ARK2C: variants seen among roughly 807,000 people sequenced by gnomAD.
ARK2C encodes E3 ubiquitin-protein ligase ARK2C.
At chr18:46,344,855 G>A in the ARK2C span, among the ~76,000 whole-genome samples, 1 of 152,240 alleles carries the variant, frequency 6.6e-6, no homozygotes, top group East Asian at 1.9e-4. Flanking sequence ...AGGTAGCTGG[G>A]CCAGAGCCTT....
At chr18:46,418,849 T>C in the ARK2C span, among the ~76,000 whole-genome samples, 1 of 152,254 alleles carries the variant, frequency 6.6e-6, no homozygotes, top group Non-Finnish European at 1.5e-5. Flanking sequence ...TCTTGCCAAG[T>C]CATTCAGCAC....
chr18:46,458,869 GC>G, the ARK2C span: 2 of 152,248 alleles, frequency 1.3e-5, no homozygotes, highest in Non-Finnish European at 2.9e-5. Flanking sequence ...AGGGTTAGCA[GC>G]AATGAGTATC....
At chr18:46,438,008 C>T in the ARK2C span, among the ~76,000 whole-genome samples, 2 of 152,296 alleles carry the variant, frequency 1.3e-5, no homozygotes, top group Non-Finnish European at 2.9e-5. Context: ...TGCTGGCACT[C>T]GTAGGGCCAG....
chr18:46,414,885 C>G, the ARK2C span, among the ~76,000 whole-genome samples: 1 of 152,200 alleles, frequency 6.6e-6, no homozygotes, highest in African/African-American at 2.4e-5. Context: ...TCATCACAGC[C>G]TTGTGAATGG....
the ARK2C span, among the ~76,000 whole-genome samples, chr18:46,366,331 A>G: frequency 6.7e-6 from 1 of 149,226 alleles, no homozygotes; most frequent in Admixed American, 6.7e-5. Context: ...AGAGAGAGAG[A>G]TAATTCTTGT....
chr18:46,393,476 TG>T, the ARK2C span, among the ~76,000 whole-genome samples: 4 of 152,214 alleles, frequency 2.6e-5, no homozygotes, highest in Non-Finnish European at 5.9e-5. Context: ...GAAATGGGGC[TG>T]GGAGGCTTCC....
At chr18:46,353,557 G>T in the ARK2C span, among the ~76,000 whole-genome samples, 1 of 152,180 alleles carries the variant, frequency 6.6e-6, no homozygotes, top group East Asian at 1.9e-4. Context: ...TCACTGGTAA[G>T]GGATGTTACC....
the ARK2C span, among the ~76,000 whole-genome samples, chr18:46,344,269 A>G: frequency 6.6e-6 from 1 of 152,174 alleles, no homozygotes; most frequent in South Asian, 2.1e-4. Flanking sequence ...GTCTCAAGGA[A>G]GGGCAGGAAG....
At chr18:46,371,133 G>A in the ARK2C span, among the ~76,000 whole-genome samples, 5 of 152,212 alleles carry the variant, frequency 3.3e-5, no homozygotes, top group South Asian at 4.1e-4. Context: ...TAAAACCATC[G>A]GATCTCATGA....
At chr18:46,395,625 G>A in the ARK2C span, among the ~76,000 whole-genome samples, 5 of 152,274 alleles carry the variant, frequency 3.3e-5, no homozygotes, top group African/African-American at 7.2e-5. Context: ...CCCAAAGTCC[G>A]GGATTTTACC....
the ARK2C span, among the ~76,000 whole-genome samples, chr18:46,396,393 T>C: frequency 6.6e-6 from 1 of 152,156 alleles, no homozygotes; most frequent in Non-Finnish European, 1.5e-5. Flanking sequence ...CGTTAGTGGG[T>C]TCAGGCTCTT....
the ARK2C span, among the ~76,000 whole-genome samples, chr18:46,380,415 G>T: frequency 6.6e-6 from 1 of 152,252 alleles, no homozygotes; most frequent in African/African-American, 2.4e-5. Context: ...TGAGAAGGAA[G>T]TGACAGTAAT....
chr18:46,382,359 A>G, the ARK2C span, among the ~76,000 whole-genome samples: 12 of 152,324 alleles, frequency 7.9e-5, no homozygotes, highest in African/African-American at 2.9e-4. Context: ...CAGATTTACT[A>G]CATAGCTCAG....
At chr18:46,356,419 T>G in the ARK2C span, among the ~76,000 whole-genome samples, 2 of 150,642 alleles carry the variant, frequency 1.3e-5, no homozygotes, top group East Asian at 2.0e-4. Context: ...GGTGGGGAGG[T>G]GCTTATTTTA....
the ARK2C span, among the ~76,000 whole-genome samples, chr18:46,415,130 C>T: frequency 6.6e-6 from 1 of 152,238 alleles, no homozygotes; most frequent in Admixed American, 6.5e-5. Flanking sequence ...CAGAGTGTCC[C>T]CTCCCCAGGC....
At chr18:46,362,198 C>G in the ARK2C span, among the ~76,000 whole-genome samples, 1 of 152,198 alleles carries the variant, frequency 6.6e-6, no homozygotes, top group African/African-American at 2.4e-5. Context: ...AATCTTTTCT[C>G]CACCAGGCCA....
At chr18:46,386,314 C>T in the ARK2C span, 3 of 152,224 alleles carry the variant, frequency 2.0e-5, no homozygotes, top group East Asian at 5.8e-4. Flanking sequence ...TCATCTCTGA[C>T]ATTTGTACAA....
the ARK2C span, among the ~76,000 whole-genome samples, chr18:46,343,030 A>G: frequency 2.1e-4 from 32 of 152,244 alleles, no homozygotes; most frequent in Non-Finnish European, 4.0e-4. Flanking sequence ...TAATGGCTAC[A>G]TAATATTCCA....
the ARK2C span, chr18:46,455,875 A>C: frequency 7.4e-6 from 5 of 679,676 alleles, no homozygotes; most frequent in African/African-American, 9.1e-5. Flanking sequence ...ACTTTAAAAA[A>C]CCTGACTCCC....
Sources: gnomAD v4.1 joint callset for allele counts (sites outside exome capture counted in the v4.1 genomes callset) on GRCh38, gnomAD v4.1.1 for gene constraint, MANE v1.5 for transcripts, NCBI Gene and HGNC (gene_info 2026-07-23, HGNC 2026-07-21) for gene names.